Variants in EIF4E3 observed in about 807,000 individuals in gnomAD.
The protein encoded by EIF4E3 is eukaryotic translation initiation factor 4E type 3.
Under a neutral mutation model 31.7 loss-of-function variants are expected in EIF4E3, and 26 were observed. The ratio of observed to expected loss-of-function variants is 0.82; its 90% CI spans 0.60 to 1.14. The LOEUF is 1.14. Ranked by LOEUF, EIF4E3 falls within the 50% of genes most tolerant of loss-of-function variation. EIF4E3 has a pLI of 0.00. For missense variants in EIF4E3, 304 were observed against 270.9 expected (o/e 1.12, Z -0.86); for synonymous variants, 128 against 107.7 (o/e 1.19, Z -1.17).
chr3:71,692,622 G>T (rs1176929812), intron 5 of EIF4E3, among the ~76,000 whole-genome samples: 1 of 149,670 alleles, frequency 6.7e-6, no homozygotes, highest in Non-Finnish European at 1.5e-5. Context: ...TTGAAACAGG[G>T]TCTCACTCTG....
intron 2 of EIF4E3, among the ~76,000 whole-genome samples, chr3:71,707,822 G>A (rs2049316262): frequency 6.6e-6 from 1 of 151,430 alleles, no homozygotes; most frequent in Non-Finnish European, 1.5e-5. Context: ...TACGGGAGCA[G>A]TCTGTTGTGA....
rs1372671165 is a variant in EIF4E3, at chr3:71,725,279, G to T, written c.89C>A (p.Pro30Gln). 3.9e-6 allele frequency: 4 copies of T among 1,017,570 alleles called. No homozygotes were observed. The highest frequency in any genetic ancestry group is 4.7e-6 in the Non-Finnish European group (4 of 852,800). 63.0% of individuals were successfully genotyped at this position (1,017,570 alleles called of 1,614,324 possible). Residue 30 changes from proline (P) to glutamine (Q), a missense_variant, in exon 1 of 7, where the codon CCG (proline) becomes CAG (glutamine). Transcript: ENST00000425534. This position sits in a 1 kb window ranked among gnomAD's most constrained non-coding sequence, Gnocchi z 6.1. ...CGACAGCTGCTGCAGGCCGAGCGGCGGCTCGGGGGCGGCGGCAGCGGCGGC... is the reference window on the plus strand; with the variant it reads ...CGACAGCTGCTGCAGGCCGAGCGGCTGCTCGGGGGCGGCGGCAGCGGCGGC... The part of the protein sequence containing the change: ...RAAAAAAAPE[P>Q]PLGLQQLSAL...
rs1457081695 is a variant in EIF4E3 at position 71,678,598 on chromosome 3, A to G, written c.*6084T>C. On this transcript the variant is annotated 3_prime_UTR_variant, in exon 7 of 7. Coordinates refer to ENST00000425534, the MANE Select transcript of EIF4E3 (RefSeq NM_001134651.2). ...TAAAATCAAAAATAACTAGAACAGA[A>G]AAGTTTTCAGTCTGACCTTAAAAAT... 3 of 152,134 alleles carry G rather than the reference A, an allele frequency of 2.0e-5. No homozygotes were observed. Among genetic ancestry groups the G allele is most frequent in the African/African-American group, 7.2e-5 (3 of 41,440 alleles). 9.4% of individuals were successfully genotyped at this position (152,134 alleles called of 1,614,324 possible). A position where few individuals can be genotyped will look rare whatever the true frequency, so the allele number is the denominator to read the frequency against.
chr3:71,734,090 A>G, intron 1 of EIF4E3, among the ~76,000 whole-genome samples: 1 of 152,200 alleles, frequency 6.6e-6, no homozygotes, highest in East Asian at 1.9e-4. Flanking sequence ...CATTCTTATT[A>G]GTTACATATT....
chr3:71,709,581 A>G (rs752080312), intron 2 of EIF4E3, among the ~76,000 whole-genome samples: 6 of 151,892 alleles, frequency 4.0e-5, no homozygotes, highest in Non-Finnish European at 7.4e-5. Context: ...ATGGGGGTCT[A>G]TGTTGCCCAG....
chr3:71,728,374 G>C (rs931679590), upstream of EIF4E3: 16 of 152,562 alleles, frequency 1.0e-4, no homozygotes, highest in African/African-American at 3.6e-4. Context: ...TGGATGGCAG[G>C]AACTAGAATT....
intron 1 of EIF4E3, among the ~76,000 whole-genome samples, chr3:71,731,106 CA>C (rs2049701791): frequency 6.6e-6 from 1 of 152,216 alleles, no homozygotes; most frequent in African/African-American, 2.4e-5. Context: ...TGGAGGACTG[CA>C]ACAGCCTCCT....
chr3:71,699,649 A>T lies in EIF4E3; in HGVS notation c.309T>A (p.Ser103Arg). The T allele has an allele frequency of 6.2e-7, 1 of 1,613,824 alleles. No individual in the cohort carries two copies. The highest frequency in any genetic ancestry group is 8.5e-7 in the Non-Finnish European group (1 of 1,179,898). The change falls in exon 3 of 7, where the codon AGT becomes AGA. Residue 103 changes from serine (S) to arginine (R), a missense_variant. Ser to Arg is a moderately radical substitution (Grantham distance 110). Coordinates refer to ENST00000425534, the MANE Select transcript of EIF4E3 (RefSeq NM_001134651.2). ...GCCTCTCTCCTCTCATTAAATGATAACTACATCTCAAAGGCAGGCTAGTCA... is the reference window on the plus strand; with the variant it reads ...GCCTCTCTCCTCTCATTAAATGATATCTACATCTCAAAGGCAGGCTAGTCA... The part of the protein sequence containing the change: ...PPVTSLPLRC[S>R]YHLMRGERRP...
intron 2 of EIF4E3, among the ~76,000 whole-genome samples, chr3:71,708,684 A>T (rs13081804): frequency 6.6e-6 from 1 of 152,112 alleles, no homozygotes; most frequent in Non-Finnish European, 1.5e-5. Context: ...GGTTGGGAAA[A>T]GTCTAATGAG....
chr3:71,736,070 G>A (rs2049759898), intron 1 of EIF4E3, among the ~76,000 whole-genome samples: 2 of 152,190 alleles, frequency 1.3e-5, no homozygotes, highest in South Asian at 4.1e-4. Flanking sequence ...AATATCATAT[G>A]TCACTGGAGA....
chr3:71,726,253 G>A (rs1217580603), upstream of EIF4E3, among the ~76,000 whole-genome samples: 2 of 152,276 alleles, frequency 1.3e-5, no homozygotes, highest in East Asian at 3.9e-4. Flanking sequence ...ATCCAGATCT[G>A]CCCTAAAGCA....
intron 1 of EIF4E3, among the ~76,000 whole-genome samples, chr3:71,731,243 G>A (rs2049703181): frequency 6.6e-6 from 1 of 152,100 alleles, no homozygotes; most frequent in South Asian, 2.1e-4. Context: ...TCTTTCTGGT[G>A]GCCAACAGTA....
At chr3:71,748,157 T>C (rs898215007) in intron 1 of EIF4E3, among the ~76,000 whole-genome samples, 6 of 152,180 alleles carry the variant, frequency 3.9e-5, no homozygotes, top group African/African-American at 1.4e-4. Context: ...TTGATTCCAG[T>C]TGACTCTTGA....
At chr3:71,752,588 G>T (rs941416166) in intron 1 of EIF4E3, among the ~76,000 whole-genome samples, 1 of 152,180 alleles carries the variant, frequency 6.6e-6, no homozygotes, top group Non-Finnish European at 1.5e-5. Context: ...GAAACAATGC[G>T]TTGCTTAATT....
At chr3:71,662,298 G>T in the EIF4E3 span, among the ~76,000 whole-genome samples, 1 of 151,472 alleles carries the variant, frequency 6.6e-6, no homozygotes, top group African/African-American at 2.4e-5. Flanking sequence ...GCCACTCACC[G>T]ACCAGCTAAG....
At chr3:71,660,269 G>A in the EIF4E3 span, among the ~76,000 whole-genome samples, 5 of 152,066 alleles carry the variant, frequency 3.3e-5, no homozygotes, top group East Asian at 1.9e-4. Flanking sequence ...CTCCGATGAT[G>A]AGCAGGCTGC....
At chr3:71,734,285 A>C (rs1415262205) in intron 1 of EIF4E3, among the ~76,000 whole-genome samples, 1 of 152,236 alleles carries the variant, frequency 6.6e-6, no homozygotes, top group Non-Finnish European at 1.5e-5. Flanking sequence ...ATGACTTTAT[A>C]CAAGTATTTG....
At chr3:71,665,372 A>G in the EIF4E3 span, among the ~76,000 whole-genome samples, 8 of 152,232 alleles carry the variant, frequency 5.3e-5, no homozygotes, top group African/African-American at 1.9e-4. Context: ...AAATGTTAAC[A>G]CTGACAGGTT....
At chr3:71,675,402 A>T (rs929213527), downstream of EIF4E3, 1 of 152,248 alleles carries the variant, frequency 6.6e-6, no homozygotes, top group Non-Finnish European at 1.5e-5. Context: ...TAAGTGAGAC[A>T]GAAAAGCAAG....
Sources: allele counts gnomAD v4.1 joint callset (sites outside exome capture counted in the v4.1 genomes callset), GRCh38; gene constraint gnomAD v4.1.1; non-coding constraint Gnocchi (gnomAD v3.1); transcripts MANE v1.5; gene names NCBI Gene and HGNC (gene_info 2026-07-23, HGNC 2026-07-21).